Variants in NEDD4L observed in about 807,000 individuals in gnomAD.
NEDD4L encodes the protein NEDD4 like E3 ubiquitin protein ligase.
A neutral mutation model predicts 148.9 loss-of-function variants in NEDD4L; 54 were observed. The observed-to-expected ratio is 0.36, with a 90% confidence interval of 0.29 to 0.45. The LOEUF (loss-of-function observed/expected upper bound fraction) is 0.45, where lower values mean the gene tolerates loss of function less well. Among genes scored for constraint, NEDD4L ranks in the 20% least tolerant of loss-of-function variants. NEDD4L has a pLI of 1.00. For synonymous variants in NEDD4L, 433 were observed against 440.7 expected, an observed-to-expected ratio of 0.98 and a Z score of 0.22; for missense variants, 856 against 1,233.8, an observed-to-expected ratio of 0.69 and a Z score of 4.59.
At chr18:58,314,546 A>G (rs985164622) in intron 5 of NEDD4L, 4 of 152,268 alleles carry the variant, frequency 2.6e-5, no homozygotes, top group African/African-American at 7.2e-5. Flanking sequence ...CTGGATAGCA[A>G]GGCTGTCATT....
intron 2 of NEDD4L, among the ~76,000 whole-genome samples, chr18:58,182,276 G>T (rs1325951147): frequency 1.3e-5 from 2 of 152,084 alleles, no homozygotes; most frequent in Non-Finnish European, 2.9e-5. Flanking sequence ...TGCTCATTTT[G>T]TAATAAAGTC....
intron 5 of NEDD4L, among the ~76,000 whole-genome samples, chr18:58,268,879 C>T (rs746542845): frequency 6.6e-6 from 1 of 151,882 alleles, no homozygotes; most frequent in Non-Finnish European, 1.5e-5. Context: ...GGGGAGCGTT[C>T]TATGGGAGAC....
intron 11 of NEDD4L, among the ~76,000 whole-genome samples, chr18:58,331,429 CCTA>C (rs1184378062): frequency 6.6e-6 from 1 of 152,152 alleles, no homozygotes; most frequent in Non-Finnish European, 1.5e-5. Flanking sequence ...GAAGACGTCT[CCTA>C]AGTCCCAGAG....
chr18:58,192,406 C>A (rs988595566), intron 2 of NEDD4L, among the ~76,000 whole-genome samples: 1 of 152,126 alleles, frequency 6.6e-6, no homozygotes, highest in Non-Finnish European at 1.5e-5. Flanking sequence ...TTCCTTTTGC[C>A]TGTCTTGTGA....
chr18:58,190,264 G>A (rs1004754647), intron 2 of NEDD4L, among the ~76,000 whole-genome samples: 18 of 152,184 alleles, frequency 1.2e-4, no homozygotes, highest in African/African-American at 4.3e-4. Context: ...TCTATCCAAA[G>A]AGAGTGTGTG....
At chr18:58,387,779 G>A (rs911801674) in intron 27 of NEDD4L, 3 of 300,118 alleles carry the variant, frequency 1.0e-5, no homozygotes, top group African/African-American at 6.7e-5. Context: ...CTAGTAAGTA[G>A]AGGCCACTGA....
At chr18:58,118,337 T>G (rs1301663754) in intron 1 of NEDD4L, among the ~76,000 whole-genome samples, 1 of 152,246 alleles carries the variant, frequency 6.6e-6, no homozygotes, top group Non-Finnish European at 1.5e-5. Context: ...ATGCAGAATT[T>G]GTGGTCTGAA....
chr18:58,243,618 C>T (rs2046906164), intron 2 of NEDD4L, among the ~76,000 whole-genome samples: 1 of 152,106 alleles, frequency 6.6e-6, no homozygotes, highest in East Asian at 1.9e-4. Context: ...AAAGTGACGC[C>T]TGATTCATCT....
chr18:58,217,462 G>A (rs2043271536), intron 2 of NEDD4L, among the ~76,000 whole-genome samples: 1 of 152,146 alleles, frequency 6.6e-6, no homozygotes, highest in African/African-American at 2.4e-5. Flanking sequence ...ATTCTTAGCA[G>A]TTTGTTTATT....
intron 2 of NEDD4L, among the ~76,000 whole-genome samples, chr18:58,185,267 G>T (rs1324384851): frequency 6.6e-6 from 1 of 152,102 alleles, no homozygotes; most frequent in African/African-American, 2.4e-5. Context: ...AGGGAGCTTG[G>T]AATTAGCACC....
At position 58,089,537 on chromosome 18, in the gene NEDD4L, C is replaced by A. The variant is rs2083949204; in HGVS notation, c.48+44829C>A. 2.6e-5 allele frequency among the ~76,000 whole-genome samples: 4 copies of A among 152,116 alleles called. No individual in the cohort carries two copies. The South Asian group carries it at 8.3e-4, about 32-fold the overall frequency. ...GAAGCTTTTGGAAGTGGTTGATAGG[C>A]ACTGAATGGGATGGGGTGGTGAGTG... On this transcript the variant is annotated intron_variant, in intron 1 of 30. Coordinates refer to ENST00000400345, the MANE Select transcript of NEDD4L (RefSeq NM_001144967.3).
At position 58,047,448 on chromosome 18, in the gene NEDD4L, A is replaced by AGC. The variant is rs532118070; in HGVS notation, c.48+2740_48+2741insGC. The AGC allele has an allele frequency of 3.0e-3, 2,915 of 985,436 alleles. 5 individuals carry two copies. The highest frequency in any genetic ancestry group is 3.2e-3 in the Non-Finnish European group (2,652 of 829,920). 61.0% of individuals were successfully genotyped at this position (985,436 alleles called of 1,614,324 possible). ...CATGAACCCAGAAAACGGGGATGCC[A>AGC]AAGCACAGGGCTTAGGTGCTGTTCC... On this transcript the variant is annotated intron_variant, in intron 1 of 30. Coordinates refer to ENST00000400345, the MANE Select transcript of NEDD4L (RefSeq NM_001144967.3).
chr18:58,075,214 C>T (rs1411726858), intron 1 of NEDD4L, among the ~76,000 whole-genome samples: 3 of 152,174 alleles, frequency 2.0e-5, no homozygotes, highest in Non-Finnish European at 4.4e-5. Context: ...GTGTTTTAGA[C>T]AGTCTTGCTC....
intron 2 of NEDD4L, among the ~76,000 whole-genome samples, chr18:58,198,897 C>A (rs542150679): frequency 6.6e-6 from 1 of 152,232 alleles, no homozygotes; most frequent in African/African-American, 2.4e-5. Context: ...CTCTACCTCC[C>A]AGGTTCAAGC....
chr18:58,165,907 C>G, intron 2 of NEDD4L, 46 bp downstream of exon 2: 3 of 1,490,636 alleles, frequency 2.0e-6, no homozygotes, highest in Non-Finnish European at 2.8e-6. Context: ...GAAAAATTGA[C>G]AAGCAGTTTT....
chr18:58,226,695 T>A (rs1289597510), intron 2 of NEDD4L, among the ~76,000 whole-genome samples: 1 of 152,190 alleles, frequency 6.6e-6, no homozygotes, highest in Non-Finnish European at 1.5e-5. Context: ...GCTAATAGCC[T>A]CGGCTCACCA....
At chr18:58,342,874 AAAGAGTTCT>A in intron 15 of NEDD4L, 23 bp from the exon 16 acceptor site, 1 of 1,522,158 alleles carries the variant, frequency 6.6e-7, no homozygotes, top group Non-Finnish European at 8.9e-7. Flanking sequence ...CGCACATGCT[AAAGAGTTCT>A]AATCCTCATT....
chr18:58,149,455 A>G lies in NEDD4L; in HGVS notation c.49-16333A>G, dbSNP rs535810481. 37 of 1,543,182 alleles carry G rather than the reference A, an allele frequency of 2.4e-5. No homozygotes were observed. In the South Asian group the frequency reaches 3.8e-4, roughly 16 times the overall value. Reference sequence around the variant, plus strand: ...CCTTGGCTGCAGCCACGACTTCCGCATACTCTTCAGAACTTGCTCTGCCCT... The same window carrying G: ...CCTTGGCTGCAGCCACGACTTCCGCGTACTCTTCAGAACTTGCTCTGCCCT... On this transcript the variant is annotated intron_variant, in intron 1 of 30. Coordinates refer to ENST00000400345, the MANE Select transcript of NEDD4L (RefSeq NM_001144967.3).
chr18:58,193,175 G>T (rs977973576), intron 2 of NEDD4L, among the ~76,000 whole-genome samples: 2 of 152,234 alleles, frequency 1.3e-5, no homozygotes, highest in Non-Finnish European at 2.9e-5. Context: ...ATGTACATCT[G>T]ATTGGAAGAC....
Sources: allele counts gnomAD v4.1 joint callset (sites outside exome capture counted in the v4.1 genomes callset), GRCh38; gene constraint gnomAD v4.1.1; transcripts MANE v1.5; gene names NCBI Gene and HGNC (gene_info 2026-07-23, HGNC 2026-07-21).